KCNH7: variants seen among roughly 807,000 people sequenced by gnomAD.
The protein encoded by KCNH7 is potassium voltage-gated channel subfamily H member 7, also known as voltage-gated inwardly rectifying potassium channel KCNH7.
KCNH7 carries 49 observed loss-of-function variants against 120.8 expected under a neutral mutation model. The ratio of observed to expected loss-of-function variants is 0.41; its 90% CI spans 0.32 to 0.51. KCNH7 has a LOEUF of 0.51. Among genes scored for constraint, KCNH7 ranks in the 20% least tolerant of loss-of-function variants. KCNH7 has a pLI of 0.38. For missense variants in KCNH7, 1,097 were observed against 1,446.6 expected (o/e 0.76, Z 3.92); for synonymous variants, 547 against 516.1 (o/e 1.06, Z -0.81).
intron 3 of KCNH7, among the ~76,000 whole-genome samples, chr2:162,525,871 T>TG (rs1444351555): frequency 2.6e-5 from 4 of 151,898 alleles, no homozygotes; most frequent in Non-Finnish European, 5.9e-5. Context: ...GATACTCACA[T>TG]GGGGGCTCTC....
chr2:162,598,103 A>G (rs2105946148), intron 2 of KCNH7, among the ~76,000 whole-genome samples: 1 of 152,178 alleles, frequency 6.6e-6, no homozygotes, highest in East Asian at 1.9e-4. Flanking sequence ...ATAGCTGATA[A>G]CAGAGATAGA....
At chr2:162,716,446 A>G (rs1206288756) in intron 2 of KCNH7, among the ~76,000 whole-genome samples, 1 of 152,146 alleles carries the variant, frequency 6.6e-6, no homozygotes, top group Non-Finnish European at 1.5e-5. Flanking sequence ...ATTTTCTCTG[A>G]GTCTCAGGAT....
chr2:162,824,130 T>G (rs1420713718), intron 2 of KCNH7, among the ~76,000 whole-genome samples: 2 of 152,202 alleles, frequency 1.3e-5, no homozygotes. Flanking sequence ...CAAAAAGTAT[T>G]AACTCTTTGA....
intron 2 of KCNH7, among the ~76,000 whole-genome samples, chr2:162,755,000 C>T (rs1688734253): frequency 6.8e-6 from 1 of 147,668 alleles, no homozygotes; most frequent in African/African-American, 2.7e-5. Context: ...AACACTCTTC[C>T]CAGAAATACA....
At chr2:162,545,173 C>A (rs1289886844) in intron 2 of KCNH7, among the ~76,000 whole-genome samples, 1 of 152,110 alleles carries the variant, frequency 6.6e-6, no homozygotes, top group East Asian at 1.9e-4. Flanking sequence ...AAAGGGCTTG[C>A]CGTAATTAAC....
chr2:162,670,300 C>T (rs1393935178), intron 2 of KCNH7, among the ~76,000 whole-genome samples: 2 of 151,136 alleles, frequency 1.3e-5, no homozygotes, highest in Non-Finnish European at 3.0e-5. Flanking sequence ...AAGGCGAAAC[C>T]CCACCTCTAC....
chr2:162,661,476 T>C (rs1040745725), intron 2 of KCNH7, among the ~76,000 whole-genome samples: 1 of 152,198 alleles, frequency 6.6e-6, no homozygotes, highest in Non-Finnish European at 1.5e-5. Flanking sequence ...TTTGAGAGCG[T>C]TATTTATATT....
In KCNH7 at chr2:162,564,103, C is replaced by G. The variant is rs73024659; in HGVS notation, c.308-27023G>C. On this transcript the variant is annotated intron_variant, in intron 2 of 15. Coordinates refer to ENST00000332142, the MANE Select transcript of KCNH7 (RefSeq NM_033272.4). ...TATGCTTCTCCCCACATACAGTTTA[C>G]TTTAGAAAACTTCTTACCACATATA... 2.3e-3 allele frequency among the ~76,000 whole-genome samples: 357 copies of G among 152,182 alleles called. 2 individuals carry two copies. Among genetic ancestry groups the G allele is most frequent in the African/African-American group, 8.2e-3 (342 of 41,528 alleles).
intron 2 of KCNH7, among the ~76,000 whole-genome samples, chr2:162,763,053 T>C (rs950204289): frequency 6.6e-6 from 1 of 152,132 alleles, no homozygotes; most frequent in Non-Finnish European, 1.5e-5. Flanking sequence ...ACTGCTACTA[T>C]GATTCTCTCT....
chr2:162,560,427 G>A (rs188957562), intron 2 of KCNH7, among the ~76,000 whole-genome samples: 12 of 152,282 alleles, frequency 7.9e-5, no homozygotes, highest in African/African-American at 2.6e-4. Context: ...AGGAAAGTCT[G>A]TGGCTGACAG....
At chr2:162,415,220 T>G (rs1261925226) in intron 9 of KCNH7, among the ~76,000 whole-genome samples, 1 of 152,086 alleles carries the variant, frequency 6.6e-6, no homozygotes, top group Non-Finnish European at 1.5e-5. Flanking sequence ...CTTTGTTCTC[T>G]GGAGCATTTC....
chr2:162,442,012 T>C (rs1688434788), intron 7 of KCNH7, among the ~76,000 whole-genome samples: 8 of 96,236 alleles, frequency 8.3e-5, no homozygotes, highest in Non-Finnish European at 5.9e-5. Flanking sequence ...TTTTTTTTTT[T>C]TTTTTTTTTT....
chr2:162,384,836 G>A lies in KCNH7; in HGVS notation c.2814C>T (p.Ile938=), dbSNP rs1180991991. The A allele has an allele frequency of 1.9e-6, 3 of 1,612,702 alleles. No homozygotes were observed. ...EEKKSRSSSF[I]SSIDDEQKPL... is the part of the protein sequence containing the mutation. ...GCTTTTGTTCATCATCAATGGAGGAGATGAAAGATGAGGATCTGCTTTTTT... is the reference window on the plus strand; with the variant it reads ...GCTTTTGTTCATCATCAATGGAGGAAATGAAAGATGAGGATCTGCTTTTTT... The change falls in exon 13 of 16, where the codon ATC becomes ATT. Residue 938 remains isoleucine (I), a synonymous_variant. Transcript: ENST00000332142.
intron 2 of KCNH7, among the ~76,000 whole-genome samples, chr2:162,715,435 A>G (rs970603544): frequency 1.3e-5 from 2 of 152,142 alleles, no homozygotes; most frequent in Admixed American, 1.3e-4. Flanking sequence ...ATTCATCATG[A>G]GATTTGGGTG....
chr2:162,671,115 C>T (rs116260429), intron 2 of KCNH7, among the ~76,000 whole-genome samples: 23 of 151,974 alleles, frequency 1.5e-4, no homozygotes, highest in Non-Finnish European at 3.1e-4. Flanking sequence ...ACATTTATAC[C>T]CTATTGGTGG....
intron 2 of KCNH7, among the ~76,000 whole-genome samples, chr2:162,746,148 A>G (rs1688309137): frequency 6.6e-6 from 1 of 151,956 alleles, no homozygotes; most frequent in Non-Finnish European, 1.5e-5. Context: ...CTTTCTTTTG[A>G]TATATTGGTT....
chr2:162,556,135 GAC>G lies in KCNH7; in HGVS notation c.308-19057_308-19056del, dbSNP rs755142762. On this transcript the variant is annotated intron_variant, in intron 2 of 15. Coordinates refer to ENST00000332142, the MANE Select transcript of KCNH7 (RefSeq NM_033272.4). ...ATTATATTTTTTGTTAAATATATAT[GAC>G]ACACACACATATATATATAATTATG... is the stretch of plus-strand genomic sequence containing the variant. Among the ~76,000 whole-genome samples, 3 of 151,868 alleles carry G rather than the reference GAC, an allele frequency of 2.0e-5. No homozygotes were observed. The South Asian group carries it at 6.2e-4, about 32-fold the overall frequency.
At chr2:162,703,293 T>C (rs1363824941) in intron 2 of KCNH7, among the ~76,000 whole-genome samples, 2 of 152,098 alleles carry the variant, frequency 1.3e-5, no homozygotes, top group East Asian at 1.9e-4. Context: ...GCAATATATC[T>C]AAGGTCAAAT....
intron 2 of KCNH7, among the ~76,000 whole-genome samples, chr2:162,760,658 C>G: frequency 6.6e-6 from 1 of 152,012 alleles, no homozygotes; most frequent in East Asian, 1.9e-4. Context: ...TTAATGCGAT[C>G]AAAAGTAGTG....
Sources: allele counts gnomAD v4.1 joint callset (sites outside exome capture counted in the v4.1 genomes callset), GRCh38; gene constraint gnomAD v4.1.1; transcripts MANE v1.5; gene names NCBI Gene and HGNC (gene_info 2026-07-23, HGNC 2026-07-21).